The following CNTNAP2 variants were observed in gnomAD, a reference collection of about 807,000 sequenced individuals.
CNTNAP2 encodes contactin-associated protein-like 2.
In CNTNAP2, 98 loss-of-function variants were observed where a neutral mutation model predicts 155.2. That is an observed-to-expected ratio of 0.63 (90% CI 0.54 to 0.75). The LOEUF is 0.75. Ranked by LOEUF, CNTNAP2 falls within the 30% of genes least tolerant of loss-of-function variation. The pLI, the probability that CNTNAP2 is intolerant of heterozygous loss-of-function variation, is 0.00. For missense variants in CNTNAP2, 1,727 were observed against 1,688.1 expected (o/e 1.02, Z -0.40); for synonymous variants, 651 against 631.2 (o/e 1.03, Z -0.47).
At chr7:146,720,985 T>C (rs1178129346) in intron 1 of CNTNAP2, among the ~76,000 whole-genome samples, 1 of 131,466 alleles carries the variant, frequency 7.6e-6, no homozygotes, top group Non-Finnish European at 1.5e-5. Context: ...AGACTATATA[T>C]ACTGTATATA....
At chr7:148,380,083 G>T (rs73154573) in intron 21 of CNTNAP2, among the ~76,000 whole-genome samples, 6,048 of 152,086 alleles carry the variant, frequency 0.04, 204 homozygotes, top group Non-Finnish European at 0.062. Flanking sequence ...AGACATTAAC[G>T]TACTGATTGC....
At chr7:146,163,509 ATATATATCTATATATATC>A (rs1562973147) in intron 1 of CNTNAP2, among the ~76,000 whole-genome samples, 1 of 43,786 alleles carries the variant, frequency 2.3e-5, no homozygotes, top group African/African-American at 7.3e-5. Context: ...CTATATATCT[ATATATATCTATATATATC>A]TATATATATC....
At chr7:146,546,290 G>A (rs914163624) in intron 1 of CNTNAP2, among the ~76,000 whole-genome samples, 1 of 151,928 alleles carries the variant, frequency 6.6e-6, no homozygotes, top group African/African-American at 2.4e-5. Flanking sequence ...GTGGCCTAAT[G>A]AAAATAATGT....
chr7:146,315,418 T>G (rs575113181), intron 1 of CNTNAP2, among the ~76,000 whole-genome samples: 2 of 152,272 alleles, frequency 1.3e-5, no homozygotes, highest in South Asian at 4.2e-4. Context: ...TCTTTCCAAA[T>G]GTAAGGCACT....
At chr7:147,302,549 T>C (rs367992020) in intron 9 of CNTNAP2, among the ~76,000 whole-genome samples, 19 of 152,214 alleles carry the variant, frequency 1.2e-4, no homozygotes, top group African/African-American at 4.1e-4. Context: ...GAATCCTAAG[T>C]GTGTAAGAAT....
chr7:147,635,954 G>A (rs1012599851), intron 12 of CNTNAP2, among the ~76,000 whole-genome samples: 1 of 152,112 alleles, frequency 6.6e-6, no homozygotes, highest in African/African-American at 2.4e-5. Context: ...TTATGCCAGA[G>A]GCTGACTGTA....
intron 1 of CNTNAP2, among the ~76,000 whole-genome samples, chr7:146,598,504 T>C (rs1023316230): frequency 6.6e-6 from 1 of 152,100 alleles, no homozygotes; most frequent in African/African-American, 2.4e-5. Flanking sequence ...TATCAAAATA[T>C]GTCTTGTCAG....
intron 10 of CNTNAP2, among the ~76,000 whole-genome samples, chr7:147,409,885 T>A (rs1797074337): frequency 6.6e-6 from 1 of 152,100 alleles, no homozygotes; most frequent in East Asian, 1.9e-4. Context: ...TGGCTATTAT[T>A]AAAACGTCAG....
chr7:146,721,810 GTCTATATATGTAGACTATATA>G (rs1801333067), intron 1 of CNTNAP2, among the ~76,000 whole-genome samples: 1 of 110,362 alleles, frequency 9.1e-6, no homozygotes, highest in African/African-American at 4.2e-5. Context: ...ACTATATATA[GTCTATATATGTAGACTATATA>G]TAGTCTATAT....
chr7:146,536,432 A>G (rs571072641), intron 1 of CNTNAP2, among the ~76,000 whole-genome samples: 2 of 152,204 alleles, frequency 1.3e-5, no homozygotes, highest in East Asian at 3.9e-4. Flanking sequence ...GAAGAAAAAC[A>G]GGAAAGTTTT....
chr7:146,254,365 A>AATT (rs1420698814), intron 1 of CNTNAP2, among the ~76,000 whole-genome samples: 2 of 152,220 alleles, frequency 1.3e-5, no homozygotes, highest in African/African-American at 2.4e-5. Context: ...TTTAATGAAA[A>AATT]ATTCTTAGAA....
intron 11 of CNTNAP2, among the ~76,000 whole-genome samples, chr7:147,529,246 A>G (rs1799386372): frequency 6.6e-6 from 1 of 152,230 alleles, no homozygotes; most frequent in Admixed American, 6.5e-5. Context: ...ATGCAAATAA[A>G]GATTAGCAAA....
rs114154669 is a variant in CNTNAP2, at chr7:147,555,291, C to T, written c.1778-6847C>T. 5.2e-3 allele frequency among the ~76,000 whole-genome samples: 796 copies of T among 152,226 alleles called. 7 individuals are homozygous for T. Among genetic ancestry groups the T allele is most frequent in the African/African-American group, 0.018 (753 of 41,534 alleles). On this transcript the variant is annotated intron_variant, in intron 11 of 23. Coordinates refer to ENST00000361727, the MANE Select transcript of CNTNAP2 (RefSeq NM_014141.6). ...TGAACAATACCAACCCAGATAAGCC[C>T]CATATAAACTATATCGCCGCTATGC...
rs893991199 is a variant in CNTNAP2, at chr7:147,132,375, A to G, written c.1214A>G (p.Asn405Ser). 6.2e-7 allele frequency: 1 copy of G among 1,613,474 alleles called. No homozygotes were observed. Among genetic ancestry groups the G allele is most frequent in the Non-Finnish European group, 8.5e-7 (1 of 1,179,790 alleles). ...FSVSFQFRTW[N>S]PNGLLVFSHF... ...GTCAGTTTCCAGTTTAGGACATGGA[A>G]CCCCAATGGTCTCCTGGTCTTCAGT... Residue 405 changes from asparagine to serine, a missense_variant, in exon 8 of 24, where the codon AAC (asparagine) becomes AGC (serine). By Grantham distance (46) the Asn-to-Ser change is conservative. Coordinates refer to ENST00000361727, the MANE Select transcript of CNTNAP2 (RefSeq NM_014141.6).
intron 12 of CNTNAP2, among the ~76,000 whole-genome samples, chr7:147,589,747 A>T (rs1298463109): frequency 6.6e-6 from 1 of 152,142 alleles, no homozygotes; most frequent in Non-Finnish European, 1.5e-5. Context: ...GCTGCTATGA[A>T]TATTCTTGTA....
chr7:147,496,948 A>C (rs979947252), intron 11 of CNTNAP2: 1 of 152,154 alleles, frequency 6.6e-6, no homozygotes, highest in African/African-American at 2.4e-5. Flanking sequence ...TCTGGGGCGA[A>C]ATTATCCATC....
intron 21 of CNTNAP2, among the ~76,000 whole-genome samples, chr7:148,317,080 G>A (rs755651981): frequency 1.3e-5 from 2 of 152,206 alleles, no homozygotes; most frequent in African/African-American, 2.4e-5. Context: ...TGCCAGCCAG[G>A]CACAGTGGCT....
intron 15 of CNTNAP2, among the ~76,000 whole-genome samples, chr7:148,105,176 A>T (rs1192157025): frequency 6.6e-6 from 1 of 152,224 alleles, no homozygotes; most frequent in African/African-American, 2.4e-5. Context: ...AGGACAGGGA[A>T]ATAGTACCAT....
intron 10 of CNTNAP2, among the ~76,000 whole-genome samples, chr7:147,467,642 A>G (rs192860492): frequency 3.9e-5 from 6 of 152,308 alleles, no homozygotes; most frequent in Admixed American, 3.3e-4. Flanking sequence ...GATGTGAGAC[A>G]TCTGCACTTA....
Sources: allele counts gnomAD v4.1 joint callset (sites outside exome capture counted in the v4.1 genomes callset), GRCh38; gene constraint gnomAD v4.1.1; transcripts MANE v1.5; gene names NCBI Gene and HGNC (gene_info 2026-07-23, HGNC 2026-07-21).